Variants in VPS13D observed in about 807,000 individuals in gnomAD.
VPS13D encodes intermembrane lipid transfer protein VPS13D.
Under a neutral mutation model 461.9 loss-of-function variants are expected in VPS13D, and 187 were observed. The ratio of observed to expected loss-of-function variants is 0.40; its 90% CI spans 0.36 to 0.46. The LOEUF (loss-of-function observed/expected upper bound fraction) is 0.46, where lower values mean the gene tolerates loss of function less well. VPS13D is among the 20% of genes least tolerant of loss of function. The pLI, the probability that VPS13D is intolerant of heterozygous loss-of-function variation, is 0.60. For synonymous variants in VPS13D, 1,951 were observed against 1,986.3 expected (o/e 0.98, Z 0.47); for missense variants, 4,711 against 5,364.9 (o/e 0.88, Z 3.81).
chr1:12,508,565 A>AG (rs70987248), intron 69 of VPS13D, among the ~76,000 whole-genome samples: 1 of 145,296 alleles, frequency 6.9e-6, no homozygotes, highest in Admixed American at 7.0e-5. Flanking sequence ...AAAAAAAAAA[A>AG]TCGTTAGCTG....
At position 12,314,160 on chromosome 1, in the gene VPS13D, C is replaced by A; in HGVS notation, c.6981C>A (p.Asn2327Lys). Reference protein sequence around the residue: ...KCKLLYESFSNQTKSINLVSH... With the variant: ...KCKLLYESFSKQTKSINLVSH... ...AACTGCTCTATGAAAGTTTTTCCAA[C>A]CAAACCAAGTCCATTAACTTGGTTT... Residue 2327 changes from asparagine (N) to lysine (K), a missense_variant, in exon 30 of 70, where the codon AAC (asparagine) becomes AAA (lysine). Physicochemically the swap from Asn to Lys is moderately conservative, Grantham distance 94 (BLOSUM62 0). Coordinates refer to ENST00000620676, the MANE Select transcript of VPS13D (RefSeq NM_015378.4). 2 of 1,614,206 alleles carry A rather than the reference C, an allele frequency of 1.2e-6. No individual in the cohort carries two copies. The highest frequency in any genetic ancestry group is 2.2e-5 in the East Asian group (1 of 44,886).
At chr1:12,363,756 C>T (rs1446272339) in intron 52 of VPS13D, among the ~76,000 whole-genome samples, 1 of 151,766 alleles carries the variant, frequency 6.6e-6, no homozygotes, top group African/African-American at 2.4e-5. Context: ...AGATTGAGAC[C>T]ATCCTGGCCA....
chr1:12,507,018 T>C lies in VPS13D; in HGVS notation c.12960T>C (p.Tyr4320=), dbSNP rs765211177. The change falls in exon 69 of 70, where the codon TAT becomes TAC. Residue 4320 remains tyrosine (Y), a synonymous_variant. Coordinates refer to ENST00000620676, the MANE Select transcript of VPS13D (RefSeq NM_015378.4). The surrounding 1 kb of genome is among the most constrained non-coding windows in gnomAD (Gnocchi z 5.3). ...TCTCCAAAGACCATGGGAAGGTGTA[T>C]GTGCAGGTGACCAAGAAAGCCGTGA... The part of the protein sequence containing the change: ...CLVSKDHGKV[Y]VQVTKKAVST... The C allele has an allele frequency of 2.0e-5, 33 of 1,614,130 alleles. No individual in the cohort carries two copies. Among genetic ancestry groups the C allele is most frequent in the Non-Finnish European group, 2.7e-5 (32 of 1,180,052 alleles).
At chr1:12,496,464 G>A (rs1010793417) in intron 67 of VPS13D, among the ~76,000 whole-genome samples, 2 of 152,236 alleles carry the variant, frequency 1.3e-5, no homozygotes, top group Non-Finnish European at 2.9e-5. Context: ...GCCCTTGTAA[G>A]TAAATCTCTA....
Position 12,257,600 on chromosome 1 carries a change from G to A in VPS13D, c.942-335G>A, listed in dbSNP as rs529770901. 3.3e-5 allele frequency among the ~76,000 whole-genome samples: 5 copies of A among 152,232 alleles called. No individual in the cohort carries two copies. In the South Asian group the frequency reaches 1.0e-3, roughly 32 times the overall value. ...AGAAGTATTCACTTAAAAATCTTTAGTAGTCAAATCCTCGGTAATTATCTT... is the reference window on the plus strand; with the variant it reads ...AGAAGTATTCACTTAAAAATCTTTAATAGTCAAATCCTCGGTAATTATCTT... On this transcript the variant is annotated intron_variant, in intron 9 of 69. Coordinates refer to ENST00000620676, the MANE Select transcript of VPS13D (RefSeq NM_015378.4).
chr1:12,241,088 G>A (rs911684703), intron 2 of VPS13D, among the ~76,000 whole-genome samples: 9 of 152,014 alleles, frequency 5.9e-5, no homozygotes, highest in Admixed American at 1.3e-4. Context: ...CTACAGATGT[G>A]TGCTACCATG....
At position 12,454,181 on chromosome 1, in the gene VPS13D, C is replaced by T. The variant is rs562890241; in HGVS notation, c.12334-1817C>T. Among the ~76,000 whole-genome samples, 59 of 152,226 alleles carry T rather than the reference C, an allele frequency of 3.9e-4. 2 individuals carry two copies. In the South Asian group the frequency reaches 0.012, roughly 30 times the overall value. ...CTATTCTCCAGATGCAGAGGAGGCT[C>T]AGAGGTAGGTGACCTCGCTCAGGGT... is the stretch of plus-strand genomic sequence containing the variant. On this transcript the variant is annotated intron_variant, in intron 65 of 69. Transcript: ENST00000620676.
intron 63 of VPS13D, among the ~76,000 whole-genome samples, chr1:12,405,304 T>C (rs950442341): frequency 6.6e-6 from 1 of 152,222 alleles, no homozygotes; most frequent in Non-Finnish European, 1.5e-5. Context: ...TTTTTAAACA[T>C]TGGCAACCAA....
rs531574251 is a variant in VPS13D at position 12,322,308 on chromosome 1, C to T, written c.7705-228C>T. Among the ~76,000 whole-genome samples the T allele has an allele frequency of 2.6e-4, 40 of 152,238 alleles. 1 individual carries two copies. The South Asian group carries it at 7.0e-3, about 27-fold the overall frequency. On this transcript the variant is annotated intron_variant, in intron 33 of 69. Transcript: ENST00000620676. ...GTCTCGATCTCCTCACCTCGTGATC[C>T]GCCCGCTACATGGTGCAGTTTTGTG...
At chr1:12,384,652 CT>C (rs1260137286) in intron 58 of VPS13D, among the ~76,000 whole-genome samples, 1 of 152,174 alleles carries the variant, frequency 6.6e-6, no homozygotes, top group Non-Finnish European at 1.5e-5. Flanking sequence ...CTATGTCACT[CT>C]CTTTCACCTA....
chr1:12,334,865 A>G (rs1270318655), intron 38 of VPS13D, among the ~76,000 whole-genome samples: 1 of 152,196 alleles, frequency 6.6e-6, no homozygotes, highest in Non-Finnish European at 1.5e-5. Flanking sequence ...CGAATACTAT[A>G]CTGAAACCCA....
chr1:12,299,790 C>CT lies in VPS13D; in HGVS notation c.6216+412dup, dbSNP rs1161075769. Among the ~76,000 whole-genome samples, 5 of 151,756 alleles carry CT rather than the reference C, an allele frequency of 3.3e-5. No individual in the cohort carries two copies. In the South Asian group the frequency reaches 1.0e-3, roughly 32 times the overall value. On this transcript the variant is annotated intron_variant, in intron 25 of 69. Coordinates refer to ENST00000620676, the MANE Select transcript of VPS13D (RefSeq NM_015378.4). The surrounding 1 kb of genome is among the most constrained non-coding windows in gnomAD (Gnocchi z 4.2). ...AATATAAACGTTTTAGACTCTGTGG[C>CT]TTTTTTCAGAGGACGTGATTGGCCC...
chr1:12,433,483 T>C (rs1645019390), intron 65 of VPS13D, among the ~76,000 whole-genome samples: 1 of 152,152 alleles, frequency 6.6e-6, no homozygotes, highest in African/African-American at 2.4e-5. Flanking sequence ...ACTTTTGCTT[T>C]TTCGGAAAGT....
At chr1:12,316,535 A>G (rs575147621) in intron 30 of VPS13D, among the ~76,000 whole-genome samples, 1 of 152,284 alleles carries the variant, frequency 6.6e-6, no homozygotes, top group African/African-American at 2.4e-5. Flanking sequence ...ACTGAGGGCA[A>G]CATTTTTTCT....
chr1:12,326,295 TAATTAAAGTTCTGAGAACCTTTTGGA>T (rs1643183767), intron 35 of VPS13D, among the ~76,000 whole-genome samples: 2 of 149,672 alleles, frequency 1.3e-5, no homozygotes, highest in African/African-American at 4.9e-5. Flanking sequence ...TTTTTTTTTT[TAATTAAAGTTCTGAGAACCTTTTGGA>T]TTTTTTTTTT....
Position 12,348,866 on chromosome 1 carries a change from T to C in VPS13D, c.9113T>C (p.Met3038Thr), listed in dbSNP as rs750833347. The change falls in exon 45 of 70, where the codon ATG (methionine) becomes ACG (threonine). Residue 3038 changes from methionine to threonine, a missense_variant. This residue lies in a region of VPS13D where 4,411 missense variants were observed against 4,937.8 expected (regional missense o/e 0.89). Coordinates refer to ENST00000620676, the MANE Select transcript of VPS13D (RefSeq NM_015378.4). Reference protein sequence around the residue: ...PPVRVVFAVTMEGSARKVITV... With the variant: ...PPVRVVFAVTTEGSARKVITV... Reference sequence around the variant, plus strand: ...GTGCGGGTGGTCTTTGCAGTGACTATGGAAGGCAGTGCACGGAAAGTCATC... The same window carrying C: ...GTGCGGGTGGTCTTTGCAGTGACTACGGAAGGCAGTGCACGGAAAGTCATC... 4 of 1,614,226 alleles carry C rather than the reference T, an allele frequency of 2.5e-6. No individual in the cohort carries two copies. Among genetic ancestry groups the C allele is most frequent in the Non-Finnish European group, 2.5e-6 (3 of 1,180,034 alleles).
intron 65 of VPS13D, among the ~76,000 whole-genome samples, chr1:12,451,398 A>C (rs1273433966): frequency 6.6e-6 from 1 of 152,264 alleles, no homozygotes; most frequent in African/African-American, 2.4e-5. Context: ...AGAATTCACA[A>C]GTATGGCATG....
chr1:12,410,578 A>T (rs1389766648), intron 63 of VPS13D, among the ~76,000 whole-genome samples: 2 of 152,234 alleles, frequency 1.3e-5, no homozygotes, highest in Non-Finnish European at 2.9e-5. Context: ...GATAAACTGG[A>T]TGTTGGTATT....
chr1:12,467,241 G>A (rs1645496715), intron 67 of VPS13D, among the ~76,000 whole-genome samples: 1 of 152,104 alleles, frequency 6.6e-6, no homozygotes, highest in East Asian at 1.9e-4. Context: ...GCACAACCTC[G>A]GCTCACTGCA....
Sources: allele counts gnomAD v4.1 joint callset (sites outside exome capture counted in the v4.1 genomes callset), GRCh38; gene constraint gnomAD v4.1.1; regional missense constraint gnomAD v4.1.1; non-coding constraint Gnocchi (gnomAD v3.1); transcripts MANE v1.5; gene names NCBI Gene and HGNC (gene_info 2026-07-23, HGNC 2026-07-21).